IRS2: variants seen among roughly 807,000 people sequenced by gnomAD.
IRS2 encodes insulin receptor substrate 2.
A neutral mutation model predicts 70.9 loss-of-function variants in IRS2; 28 were observed. The ratio of observed to expected loss-of-function variants is 0.39; its 90% confidence interval spans 0.29 to 0.54. The LOEUF (loss-of-function observed/expected upper bound fraction) is 0.54. IRS2 is among the 20% of genes least tolerant of loss of function. The pLI is 0.59. For synonymous variants in IRS2, 1,217 were observed against 981.9 expected, an observed-to-expected ratio of 1.24 and a Z score of -4.48; for missense variants, 2,081 against 2,024.1, an observed-to-expected ratio of 1.03 and a Z score of -0.54.
At chr13:109,780,540 G>A (rs185132614) in intron 1 of IRS2, among the ~76,000 whole-genome samples, 2 of 152,254 alleles carry the variant, frequency 1.3e-5, no homozygotes, top group Admixed American at 6.5e-5. Flanking sequence ...TATTACACTA[G>A]AATAACAGGG....
chr13:109,785,259 T>C lies in IRS2; in HGVS notation c.795A>G (p.Thr265=), dbSNP rs1389533469. 1 of 1,606,464 alleles carries C rather than the reference T, an allele frequency of 6.2e-7. No homozygotes were observed. Among genetic ancestry groups the C allele is most frequent in the Non-Finnish European group, 8.5e-7 (1 of 1,177,264 alleles). The change falls in exon 1 of 2, where the codon ACA becomes ACG. Residue 265 remains threonine, a synonymous_variant. Transcript: ENST00000375856. The surrounding 1 kb of genome is among the most constrained non-coding windows in gnomAD (Gnocchi z 9.3). ...FFIEVGRSAV[T]GPGELWMQAD... Reference sequence around the variant, plus strand: ...CCTGCATCCACAGCTCGCCGGGGCCTGTGACGGCCGAGCGGCCCACCTCGA... The same window carrying C: ...CCTGCATCCACAGCTCGCCGGGGCCCGTGACGGCCGAGCGGCCCACCTCGA...
At chr13:109,761,742 C>T (rs150874580) in intron 1 of IRS2, among the ~76,000 whole-genome samples, 2,733 of 152,242 alleles carry the variant, frequency 0.018, 32 homozygotes, top group Non-Finnish European at 0.03. Flanking sequence ...GGGGCAATAA[C>T]TTGCTTTCCT....
chr13:109,785,265 G>C lies in IRS2; in HGVS notation c.789C>G (p.Ala263=). The C allele has an allele frequency of 6.2e-7, 1 of 1,607,088 alleles. No individual in the cohort carries two copies. Among genetic ancestry groups the C allele is most frequent in the Admixed American group, 1.7e-5 (1 of 59,506 alleles). ...TCCACAGCTCGCCGGGGCCTGTGACGGCCGAGCGGCCCACCTCGATGAAGA... is the reference window on the plus strand; with the variant it reads ...TCCACAGCTCGCCGGGGCCTGTGACCGCCGAGCGGCCCACCTCGATGAAGA... ...SFFFIEVGRS[A]VTGPGELWMQ... Residue 263 remains alanine, a synonymous_variant, in exon 1 of 2, where the codon GCC becomes GCG. Coordinates refer to ENST00000375856, the MANE Select transcript of IRS2 (RefSeq NM_003749.3). This position sits in a 1 kb window ranked among gnomAD's most constrained non-coding sequence, Gnocchi z 9.3.
chr13:109,782,092 G>C lies in IRS2; in HGVS notation c.3962C>G (p.Ala1321Gly). 1 of 1,612,494 alleles carries C rather than the reference G, an allele frequency of 6.2e-7. No homozygotes were observed. The highest frequency in any genetic ancestry group is 2.2e-5 in the East Asian group (1 of 44,854). Residue 1321 changes from alanine (A) to glycine (G), a missense_variant, in exon 1 of 2, where the codon GCC becomes GGC. Ala to Gly is a moderately conservative substitution (Grantham distance 60). This residue lies in a region of IRS2 where 1,615 missense variants were observed against 1,459.5 expected (regional missense o/e 1.11). Coordinates refer to ENST00000375856, the MANE Select transcript of IRS2 (RefSeq NM_003749.3). ...PGALPPANTY[A>G]SIDFLSHHLK... ...GTGGTGGGACAAGAAGTCAATGCTGGCGTAGGTGTTGGCAGGGGGCAGGGC... is the reference window on the plus strand; with the variant it reads ...GTGGTGGGACAAGAAGTCAATGCTGCCGTAGGTGTTGGCAGGGGGCAGGGC...
chr13:109,776,110 C>T (rs1877570461), intron 1 of IRS2, among the ~76,000 whole-genome samples: 1 of 151,340 alleles, frequency 6.6e-6, no homozygotes, highest in East Asian at 1.9e-4. Flanking sequence ...GATCACACCA[C>T]TGCACTCCAG....
chr13:109,776,186 T>C (rs957883137), intron 1 of IRS2, among the ~76,000 whole-genome samples: 1 of 151,640 alleles, frequency 6.6e-6, no homozygotes. Context: ...ATTTACAGGG[T>C]GCAATGCGTG....
At chr13:109,762,632 A>C (rs1254514860) in intron 1 of IRS2, among the ~76,000 whole-genome samples, 1 of 152,302 alleles carries the variant, frequency 6.6e-6, no homozygotes, top group East Asian at 1.9e-4. Flanking sequence ...AGATTCAGTG[A>C]AGCCTGTGAG....
At chr13:109,772,653 C>A (rs755884653) in intron 1 of IRS2, among the ~76,000 whole-genome samples, 1 of 151,958 alleles carries the variant, frequency 6.6e-6, no homozygotes, top group Non-Finnish European at 1.5e-5. Context: ...ACTGCACTGC[C>A]CACAAGAGTT....
Position 109,783,454 on chromosome 13 carries a change from G to A in IRS2, c.2600C>T (p.Pro867Leu), listed in dbSNP as rs1421725971. The A allele has an allele frequency of 3.3e-6, 5 of 1,535,488 alleles. No homozygotes were observed. In the South Asian group the frequency reaches 4.8e-5, roughly 15 times the overall value. Residue 867 changes from proline to leucine, a missense_variant, in exon 1 of 2, where the codon CCT (proline) becomes CTT (leucine). Physicochemically the swap from Pro to Leu is moderately conservative, Grantham distance 98. Transcript: ENST00000375856. ...GPTQPPHPVV[P>L]SPVRPSGGRP... ...GCCGCCGCTAGGCCGCACGGGCGAAGGCACTACAGGGTGAGGGGGCTGCGT... is the reference window on the plus strand; with the variant it reads ...GCCGCCGCTAGGCCGCACGGGCGAAAGCACTACAGGGTGAGGGGGCTGCGT...
chr13:109,782,440 C>T lies in IRS2; in HGVS notation c.3614G>A (p.Arg1205Gln), dbSNP rs1877737356. 1 of 1,586,340 alleles carries T rather than the reference C, an allele frequency of 6.3e-7. No homozygotes were observed. The highest frequency in any genetic ancestry group is 2.3e-5 in the East Asian group (1 of 43,204). Residue 1205 changes from arginine (R) to glutamine (Q), a missense_variant, in exon 1 of 2, where the codon CGA (arginine) becomes CAA (glutamine). This residue lies in a region of IRS2 where 1,615 missense variants were observed against 1,459.5 expected (regional missense o/e 1.11). Transcript: ENST00000375856. ...GGGDEPPTSP[R>Q]QLQPAPPLAP... Reference sequence around the variant, plus strand: ...CAAAGGGGGCGCCGGCTGCAACTGTCGTGGGGAGGTGGGCGGCTCGTCGCC... The same window carrying T: ...CAAAGGGGGCGCCGGCTGCAACTGTTGTGGGGAGGTGGGCGGCTCGTCGCC...
Position 109,755,214 on chromosome 13 carries a change from C to CTTTTTTTT in IRS2, c.*1082_*1089dup, listed in dbSNP as rs375324802. ...CTCTTTTTATCAGTTTCTTTCTTTCCTTTTTTTTTTTTCTTTTTGTTTTTT... is the reference window on the plus strand; with the variant it reads ...CTCTTTTTATCAGTTTCTTTCTTTCCTTTTTTTTTTTTTTTTTTTTCTTTTTGTTTTTT... On this transcript the variant is annotated 3_prime_UTR_variant, in exon 2 of 2. Coordinates refer to ENST00000375856, the MANE Select transcript of IRS2 (RefSeq NM_003749.3). The CTTTTTTTT allele has an allele frequency of 5.2e-6, 1 of 194,022 alleles. No individual in the cohort carries two copies. 12.0% of individuals were successfully genotyped at this position (194,022 alleles called of 1,614,324 possible). A position where few individuals can be genotyped will look rare whatever the true frequency, so the allele number is the denominator to read the frequency against.
At position 109,783,447 on chromosome 13, in the gene IRS2, G is replaced by C. The variant is rs531803302; in HGVS notation, c.2607C>G (p.Pro869=). 2.0e-6 allele frequency: 3 copies of C among 1,526,644 alleles called. No homozygotes were observed. The highest frequency in any genetic ancestry group is 2.1e-5 in the Admixed American group (1 of 48,354). The allele number at this position is 1,526,644 out of a possible 1,614,324, so 94.6% of individuals were successfully genotyped here. ...CCGGGCGGCCGCCGCTAGGCCGCAC[G>C]GGCGAAGGCACTACAGGGTGAGGGG... ...TQPPHPVVPS[P]VRPSGGRPEG... Residue 869 remains proline (P), a synonymous_variant, in exon 1 of 2, where the codon CCC becomes CCG. Coordinates refer to ENST00000375856, the MANE Select transcript of IRS2 (RefSeq NM_003749.3).
In IRS2 at chr13:109,758,914, G is replaced by GA. The variant is rs200632751; in HGVS notation, c.4013-2607dup. On this transcript the variant is annotated intron_variant, in intron 1 of 1. Transcript: ENST00000375856. ...AAGGGGAAGAGGAAGGGGAAGGAAA[G>GA]AAAAAAAAAGAAGGAGGGAGGAAGG... Among the ~76,000 whole-genome samples, 746 of 143,922 alleles carry GA rather than the reference G, an allele frequency of 5.2e-3. 7 individuals carry two copies. Among genetic ancestry groups the GA allele is most frequent in the African/African-American group, 0.018 (699 of 39,050 alleles). 94.4% of individuals were successfully genotyped at this position (143,922 alleles called of 152,430 possible). A position where few individuals can be genotyped will look rare whatever the true frequency, so the allele number is the denominator to read the frequency against.
At position 109,785,678 on chromosome 13, in the gene IRS2, C is replaced by T. The variant is rs1472729252; in HGVS notation, c.376G>A (p.Ala126Thr). ...CCCTCCTGCTCCTGCTCGTTCTCGG[C>T]GGCCACGGCGAAGTACTCGTCCTTG... Reference protein sequence around the residue: ...YTKDEYFAVAAENEQEQEGWY... With the variant: ...YTKDEYFAVATENEQEQEGWY... The change falls in exon 1 of 2, where the codon GCC becomes ACC. Residue 126 changes from alanine (A) to threonine (T), a missense_variant. Physicochemically the swap from Ala to Thr is moderately conservative, Grantham distance 58 (BLOSUM62 0). Transcript: ENST00000375856. This position sits in a 1 kb window ranked among gnomAD's most constrained non-coding sequence, Gnocchi z 9.3. 3.1e-6 allele frequency: 5 copies of T among 1,596,852 alleles called. No individual in the cohort carries two copies. The highest frequency in any genetic ancestry group is 1.1e-5 in the South Asian group (1 of 89,756).
chr13:109,773,315 G>T (rs1206234967), intron 1 of IRS2, among the ~76,000 whole-genome samples: 2 of 152,188 alleles, frequency 1.3e-5, no homozygotes, highest in Non-Finnish European at 2.9e-5. Context: ...ATTCTAAATT[G>T]ATTAGTTTTC....
intron 1 of IRS2, among the ~76,000 whole-genome samples, chr13:109,763,505 CT>C (rs1877272172): frequency 6.6e-6 from 1 of 152,234 alleles, no homozygotes; most frequent in Non-Finnish European, 1.5e-5. Context: ...CACTAGCATT[CT>C]TCCTTTAACA....
At chr13:109,763,086 C>T (rs1332238858) in intron 1 of IRS2, among the ~76,000 whole-genome samples, 1 of 152,168 alleles carries the variant, frequency 6.6e-6, no homozygotes, top group Non-Finnish European at 1.5e-5. Flanking sequence ...GACTGCATGG[C>T]AATGAACCTA....
At chr13:109,770,736 G>A (rs1296601344) in intron 1 of IRS2, among the ~76,000 whole-genome samples, 1 of 152,174 alleles carries the variant, frequency 6.6e-6, no homozygotes, top group African/African-American at 2.4e-5. Flanking sequence ...AGGCACCTAG[G>A]GAACAGAGGC....
intron 1 of IRS2, among the ~76,000 whole-genome samples, chr13:109,771,684 C>T (rs1877454144): frequency 6.6e-6 from 1 of 152,150 alleles, no homozygotes; most frequent in Non-Finnish European, 1.5e-5. Flanking sequence ...TACTATCATA[C>T]CAGAATAAAA....
Sources: allele counts gnomAD v4.1 joint callset (sites outside exome capture counted in the v4.1 genomes callset), GRCh38; gene constraint gnomAD v4.1.1; regional missense constraint gnomAD v4.1.1; non-coding constraint Gnocchi (gnomAD v3.1); transcripts MANE v1.5; gene names NCBI Gene and HGNC (gene_info 2026-07-23, HGNC 2026-07-21).